CWC27: variants seen among roughly 807,000 people sequenced by gnomAD.
The protein encoded by CWC27 is CWC27 spliceosome associated cyclophilin.
CWC27 carries 47 observed loss-of-function variants against 63.6 expected under a neutral mutation model. The observed-to-expected ratio is 0.74, with a 90% CI of 0.58 to 0.94. The LOEUF (loss-of-function observed/expected upper bound fraction) is 0.94, where lower values mean the gene tolerates loss of function less well. CWC27 is among the 40% of genes least tolerant of loss of function. CWC27 has a pLI of 0.00. For missense variants in CWC27, 495 were observed against 554.3 expected (o/e 0.89, Z 1.07); for synonymous variants, 175 against 179.8 (o/e 0.97, Z 0.22).
At chr5:64,851,364 C>A (rs150371127) in intron 10 of CWC27, among the ~76,000 whole-genome samples, 16 of 151,720 alleles carry the variant, frequency 1.1e-4, no homozygotes, top group Admixed American at 3.3e-4. Context: ...CATAGAAGCA[C>A]AGTAGAATGG....
rs1036551997 is a variant in CWC27, at chr5:64,965,954, G to A, written c.1043-5749G>A. 3.3e-5 allele frequency among the ~76,000 whole-genome samples: 5 copies of A among 152,086 alleles called. No individual in the cohort carries two copies. The South Asian group carries it at 6.2e-4, about 19-fold the overall frequency. ...ATACATTCAGGAGGATTTGAACTAC[G>A]TGCCTGTGTTTTCATTATCATGGCT... On this transcript the variant is annotated intron_variant, in intron 11 of 13. Transcript: ENST00000381070.
chr5:64,813,366 C>T (rs1252577742), intron 10 of CWC27, among the ~76,000 whole-genome samples: 1 of 152,020 alleles, frequency 6.6e-6, no homozygotes, highest in Non-Finnish European at 1.5e-5. Flanking sequence ...AATCCGTATC[C>T]AAGGAATCAC....
chr5:64,995,214 C>T (rs1024496362), intron 13 of CWC27, among the ~76,000 whole-genome samples: 18 of 152,132 alleles, frequency 1.2e-4, no homozygotes, highest in African/African-American at 4.1e-4. Flanking sequence ...TCGAGCGATC[C>T]GCCCACGTCA....
At chr5:64,898,739 T>G (rs905725054) in intron 11 of CWC27, among the ~76,000 whole-genome samples, 1 of 152,214 alleles carries the variant, frequency 6.6e-6, no homozygotes, top group African/African-American at 2.4e-5. Context: ...ATTTCTCTCA[T>G]GCAGAACAAT....
intron 13 of CWC27, among the ~76,000 whole-genome samples, chr5:65,006,353 G>C (rs1356178718): frequency 6.6e-6 from 1 of 152,140 alleles, no homozygotes; most frequent in Non-Finnish European, 1.5e-5. Flanking sequence ...CAAAAGTTCT[G>C]AGAGGTCAGT....
intron 11 of CWC27, among the ~76,000 whole-genome samples, chr5:64,907,150 G>T (rs1364088009): frequency 6.6e-6 from 1 of 152,146 alleles, no homozygotes; most frequent in Non-Finnish European, 1.5e-5. Context: ...GGCGATGCGG[G>T]CTCTTTTTTG....
At chr5:64,900,654 G>C (rs150850899) in intron 11 of CWC27, among the ~76,000 whole-genome samples, 1 of 151,042 alleles carries the variant, frequency 6.6e-6, no homozygotes, top group African/African-American at 2.4e-5. Context: ...GATCTTCTAT[G>C]TGTTTTTTTT....
intron 11 of CWC27, among the ~76,000 whole-genome samples, chr5:64,888,127 C>A (rs1476046196): frequency 1.3e-5 from 2 of 151,748 alleles, no homozygotes; most frequent in South Asian, 2.1e-4. Flanking sequence ...ACAAGATCAG[C>A]CGGAAGTATC....
At chr5:64,891,731 C>A (rs1747241626) in intron 11 of CWC27, among the ~76,000 whole-genome samples, 1 of 151,972 alleles carries the variant, frequency 6.6e-6, no homozygotes, top group South Asian at 2.1e-4. Context: ...GTCTTAAATT[C>A]TGGGTCATCT....
intron 11 of CWC27, among the ~76,000 whole-genome samples, chr5:64,918,601 G>C (rs2112387555): frequency 6.6e-6 from 1 of 152,232 alleles, no homozygotes; most frequent in Non-Finnish European, 1.5e-5. Context: ...TAATTTAGCA[G>C]ATGATGCTTA....
chr5:64,965,792 G>A (rs923735444), intron 11 of CWC27, among the ~76,000 whole-genome samples: 3 of 152,026 alleles, frequency 2.0e-5, no homozygotes, highest in Non-Finnish European at 4.4e-5. Context: ...TACAATTTAC[G>A]GGTGAATTTT....
rs1234787326 is a variant in CWC27 at position 64,964,177 on chromosome 5, G to A, written c.1043-7526G>A. On this transcript the variant is annotated intron_variant, in intron 11 of 13. Coordinates refer to ENST00000381070, the MANE Select transcript of CWC27 (RefSeq NM_005869.4). ...TTTAAGTTCTTAATTGTCATTGGTA[G>A]ATGGACAGAAAAAATTACCAAATCA... Among the ~76,000 whole-genome samples, 6 of 152,294 alleles carry A rather than the reference G, an allele frequency of 3.9e-5. 1 individual carries two copies. The highest frequency in any genetic ancestry group is 6.8e-3 in the Middle Eastern group (2 of 294).
chr5:64,906,303 C>T (rs1249342451), intron 11 of CWC27, among the ~76,000 whole-genome samples: 1 of 152,170 alleles, frequency 6.6e-6, no homozygotes, highest in East Asian at 1.9e-4. Flanking sequence ...AAAAGTATTC[C>T]TATTTCTCCA....
chr5:64,789,076 T>TATTGTA, intron 7 of CWC27, 56 bp downstream of exon 7: 2 of 1,203,576 alleles, frequency 1.7e-6, no homozygotes, highest in Non-Finnish European at 2.4e-6. Context: ...GGTCTATATC[T>TATTGTA]TACTCACTAT....
At chr5:64,770,564 C>T (rs1743215796) in intron 1 of CWC27, among the ~76,000 whole-genome samples, 1 of 152,124 alleles carries the variant, frequency 6.6e-6, no homozygotes, top group Non-Finnish European at 1.5e-5. Flanking sequence ...TCTCTGGCCC[C>T]CTTAACCTTT....
chr5:64,992,168 G>A (rs1749547919), intron 13 of CWC27, among the ~76,000 whole-genome samples: 1 of 152,182 alleles, frequency 6.6e-6, no homozygotes, highest in Non-Finnish European at 1.5e-5. Context: ...CTTCAAAAGA[G>A]CCTCATAGGG....
At position 64,906,071 on chromosome 5, in the gene CWC27, G is replaced by A. The variant is rs1747631621; in HGVS notation, c.1042+20525G>A. Among the ~76,000 whole-genome samples, 4 of 152,068 alleles carry A rather than the reference G, an allele frequency of 2.6e-5. No individual in the cohort carries two copies. In the South Asian group the frequency reaches 8.3e-4, roughly 32 times the overall value. ...ATATGTGCCACATTTTCTTAATCCA[G>A]TCTATCATTGATAGACATTTAGGTG... On this transcript the variant is annotated intron_variant, in intron 11 of 13. Coordinates refer to ENST00000381070, the MANE Select transcript of CWC27 (RefSeq NM_005869.4).
chr5:64,835,268 C>G (rs1424302864), intron 10 of CWC27, among the ~76,000 whole-genome samples: 2 of 151,422 alleles, frequency 1.3e-5, no homozygotes, highest in African/African-American at 2.4e-5. Flanking sequence ...TTTTAGTTTT[C>G]AAAAATTTAC....
At chr5:64,956,719 T>C (rs968826256) in intron 11 of CWC27, among the ~76,000 whole-genome samples, 3 of 152,152 alleles carry the variant, frequency 2.0e-5, no homozygotes, top group Non-Finnish European at 4.4e-5. Flanking sequence ...CCACCATAAC[T>C]GTTTGCACTA....
Sources: allele counts gnomAD v4.1 joint callset (sites outside exome capture counted in the v4.1 genomes callset), GRCh38; gene constraint gnomAD v4.1.1; transcripts MANE v1.5; gene names NCBI Gene and HGNC (gene_info 2026-07-23, HGNC 2026-07-21).